R3HDM1: variants seen among roughly 807,000 people sequenced by gnomAD.
The protein encoded by R3HDM1 is R3H domain containing 1.
A neutral mutation model predicts 141.1 loss-of-function variants in R3HDM1; 46 were observed. The observed-to-expected ratio is 0.33, with a 90% CI of 0.26 to 0.42. R3HDM1 has a LOEUF of 0.42. Among genes scored for constraint, R3HDM1 ranks in the 10% least tolerant of loss-of-function variants. The pLI is 1.00. For missense variants in R3HDM1, 1,184 were observed against 1,368.3 expected (o/e 0.87, Z 2.12); for synonymous variants, 435 against 472.9 (o/e 0.92, Z 1.04).
In R3HDM1 at chr2:135,539,087, A is replaced by T. The variant is rs143416009; in HGVS notation, c.-250+7454A>T. 1.8e-4 allele frequency among the ~76,000 whole-genome samples: 28 copies of T among 152,338 alleles called. 1 individual carries two copies. The East Asian group carries it at 5.4e-3, about 29-fold the overall frequency. ...CCGGAAGGTCTTCAGAGACAATTAC[A>T]CACATGACTCTGTCATCTTGATGTT... is the stretch of plus-strand genomic sequence containing the variant. On this transcript the variant is annotated intron_variant, in intron 1 of 26. Transcript: ENST00000683871.
At chr2:135,621,807 A>C (rs201831835) in intron 6 of R3HDM1, 199 bp downstream of exon 6, 3 of 982,562 alleles carry the variant, frequency 3.1e-6, no homozygotes, top group South Asian at 9.4e-5. Context: ...TCAGCCAAAA[A>C]TGCAACACAT....
chr2:135,669,843 A>G (rs535082040), intron 19 of R3HDM1, among the ~76,000 whole-genome samples: 103 of 152,328 alleles, frequency 6.8e-4, no homozygotes, highest in Non-Finnish European at 4.4e-4. Context: ...TTAGGTATTA[A>G]GATTAGCTTG....
chr2:135,572,918 G>T (rs1704467123), intron 1 of R3HDM1, among the ~76,000 whole-genome samples: 1 of 152,254 alleles, frequency 6.6e-6, no homozygotes, highest in South Asian at 2.1e-4. Flanking sequence ...ACCATATATT[G>T]TATGATACCA....
rs561850314 is a variant in R3HDM1 at position 135,632,607 on chromosome 2, C to G, written c.698+606C>G. Among the ~76,000 whole-genome samples, 5 of 152,286 alleles carry G rather than the reference C, an allele frequency of 3.3e-5. No homozygotes were observed. In the South Asian group the frequency reaches 1.0e-3, roughly 32 times the overall value. On this transcript the variant is annotated intron_variant, in intron 9 of 26. Transcript: ENST00000683871. ...GATCATCATTGCTGTTACTTGGGAA[C>G]AGAAGACCCAATGCAGAGGCACCCA...
intron 7 of R3HDM1, among the ~76,000 whole-genome samples, chr2:135,623,994 C>T (rs2061750871): frequency 6.6e-6 from 1 of 152,054 alleles, no homozygotes; most frequent in African/African-American, 2.4e-5. Flanking sequence ...TACAGAGAGA[C>T]ATGGGAAGGG....
chr2:135,602,026 CT>C (rs1172413810), intron 1 of R3HDM1, among the ~76,000 whole-genome samples: 21 of 138,472 alleles, frequency 1.5e-4, no homozygotes, highest in African/African-American at 5.4e-4. Context: ...TGTTAAATGG[CT>C]TGTTATTTTT....
At chr2:135,702,001 G>A (rs541266565) in intron 21 of R3HDM1, among the ~76,000 whole-genome samples, 19 of 152,192 alleles carry the variant, frequency 1.2e-4, no homozygotes, top group Admixed American at 1.1e-3. Context: ...ATTTCCAAAT[G>A]TGTGCAACCA....
intron 21 of R3HDM1, among the ~76,000 whole-genome samples, chr2:135,704,213 C>A (rs1343080702): frequency 6.6e-6 from 1 of 152,204 alleles, no homozygotes; most frequent in Non-Finnish European, 1.5e-5. Flanking sequence ...CTCTTGACCT[C>A]AAGTGATCCG....
intron 17 of R3HDM1, chr2:135,651,451 GTCT>G: frequency 1.0e-5 from 10 of 974,828 alleles, no homozygotes; most frequent in Non-Finnish European, 1.2e-5. Context: ...TTAAATAAAT[GTCT>G]TCATTTTTTA....
At chr2:135,636,816 A>G (rs920885952) in intron 11 of R3HDM1, among the ~76,000 whole-genome samples, 1 of 152,078 alleles carries the variant, frequency 6.6e-6, no homozygotes, top group Non-Finnish European at 1.5e-5. Flanking sequence ...AGAAGATTAA[A>G]TAACACTAAA....
chr2:135,685,425 A>G (rs994869029), intron 21 of R3HDM1, among the ~76,000 whole-genome samples: 2 of 152,202 alleles, frequency 1.3e-5, no homozygotes, highest in South Asian at 4.1e-4. Context: ...AATGTCTACA[A>G]CTTGGTTTTG....
In R3HDM1 at chr2:135,636,334, G is replaced by A. The variant is rs1479314598; in HGVS notation, c.903+151G>A. ...TTTTAGAAATATTGAGATCAGTTTT[G>A]CTTGTGTTATTAATAGTTTATAAAA... is the stretch of plus-strand genomic sequence containing the variant. On this transcript the variant is annotated intron_variant, in intron 11 of 26. Coordinates refer to ENST00000683871, the MANE Select transcript of R3HDM1 (RefSeq NM_001378107.1). 2.2e-6 allele frequency: 3 copies of A among 1,343,656 alleles called. No individual in the cohort carries two copies. The African/African-American group carries it at 4.5e-5, about 20-fold the overall frequency. The allele number at this position is 1,343,656 out of a possible 1,614,324, so 83.2% of individuals were successfully genotyped here.
At chr2:135,574,784 GCTCT>G (rs1235973987) in intron 1 of R3HDM1, among the ~76,000 whole-genome samples, 2 of 151,952 alleles carry the variant, frequency 1.3e-5, no homozygotes, top group Non-Finnish European at 2.9e-5. Context: ...TTTCTCTCCC[GCTCT>G]CTCAAATAGG....
intron 20 of R3HDM1, among the ~76,000 whole-genome samples, chr2:135,678,916 C>A (rs1259836588): frequency 6.6e-6 from 1 of 151,700 alleles, no homozygotes; most frequent in Non-Finnish European, 1.5e-5. Context: ...CGCGCCACTA[C>A]TCCCGGCTAA....
At chr2:135,714,764 TACAC>T (rs144894901) in intron 23 of R3HDM1, among the ~76,000 whole-genome samples, 56 of 146,854 alleles carry the variant, frequency 3.8e-4, no homozygotes, top group South Asian at 2.2e-4. Context: ...TATGGGTGTA[TACAC>T]ACACACACAC....
intron 26 of R3HDM1, among the ~76,000 whole-genome samples, chr2:135,722,800 G>A (rs2076821910): frequency 6.6e-6 from 1 of 152,114 alleles, no homozygotes; most frequent in Non-Finnish European, 1.5e-5. Context: ...TGTGTGAGAG[G>A]AACAAGTAGA....
At chr2:135,540,937 A>G (rs1032550438) in intron 1 of R3HDM1, among the ~76,000 whole-genome samples, 1 of 152,350 alleles carries the variant, frequency 6.6e-6, no homozygotes, top group Admixed American at 6.5e-5. Context: ...TTACATCTCC[A>G]TCAGAGCTCT....
chr2:135,590,521 A>G, intron 1 of R3HDM1: 1 of 980,458 alleles, frequency 1.0e-6, no homozygotes, highest in South Asian at 4.7e-5. Context: ...CATAGCTAGG[A>G]AATAAAGCCA....
chr2:135,672,736 TTTGTGTGTGTGC>T (rs1220821373), intron 19 of R3HDM1, among the ~76,000 whole-genome samples: 1 of 152,086 alleles, frequency 6.6e-6, no homozygotes, highest in Admixed American at 6.6e-5. Flanking sequence ...AGTGCGTGTG[TTTGTGTGTGTGC>T]TTGTGTGTGT....
Sources: gnomAD v4.1 joint callset for allele counts (sites outside exome capture counted in the v4.1 genomes callset) on GRCh38, gnomAD v4.1.1 for gene constraint, MANE v1.5 for transcripts, NCBI Gene and HGNC (gene_info 2026-07-23, HGNC 2026-07-21) for gene names.